Variants in LMF1 observed in about 807,000 individuals in gnomAD.
LMF1 encodes the protein transmembrane protein 112.
LMF1 carries 68 observed loss-of-function variants against 60.6 expected under a neutral mutation model. The ratio of observed to expected loss-of-function variants is 1.12; its 90% confidence interval spans 0.92 to 1.37. The LOEUF is 1.37. LMF1 is among the 40% of genes most tolerant of loss of function. The pLI, the probability that LMF1 is intolerant of heterozygous loss-of-function variation, is 0.00. For synonymous variants in LMF1, 418 were observed against 324.7 expected (o/e 1.29, Z -3.09); for missense variants, 948 against 767.2 (o/e 1.24, Z -2.78).
chr16:950,751 CAG>C (rs1478549969), intron 2 of LMF1, among the ~76,000 whole-genome samples: 7 of 84,558 alleles, frequency 8.3e-5, no homozygotes, highest in South Asian at 4.9e-4. Context: ...ACGACAGAGT[CAG>C]AGCCAACGAC....
intron 1 of LMF1, among the ~76,000 whole-genome samples, chr16:964,558 C>T (rs757008397): frequency 6.6e-6 from 1 of 152,094 alleles, no homozygotes; most frequent in African/African-American, 2.4e-5. Flanking sequence ...ACTTGTAAAA[C>T]CAAGTGGTGC....
intron 1 of LMF1, chr16:976,238 CCAAGGGCT>C (rs1567348345): frequency 2.2e-6 from 1 of 446,068 alleles, no homozygotes; most frequent in African/African-American, 2.0e-5. Context: ...CTACAAGGGC[CCAAGGGCT>C]GAAATGGGGC....
chr16:934,230 T>C lies in LMF1; in HGVS notation c.514+14A>G. The C allele has an allele frequency of 1.9e-6, 3 of 1,599,410 alleles. No homozygotes were observed. Among genetic ancestry groups the C allele is most frequent in the Non-Finnish European group, 2.5e-6 (3 of 1,179,786 alleles). ...CAACTCTCGCAGAGCTTTCTCTAAA[T>C]GCATCTCACTTACCGAAAGAGTACC... On this transcript the variant is annotated intron_variant, in intron 3 of 10. Coordinates refer to ENST00000262301, the MANE Select transcript of LMF1 (RefSeq NM_022773.4).
chr16:973,934 CG>C (rs1282375062), upstream of LMF1, among the ~76,000 whole-genome samples: 3 of 148,992 alleles, frequency 2.0e-5, no homozygotes, highest in Non-Finnish European at 4.4e-5. Context: ...GACGTGAACG[CG>C]GGGGCTGGAG....
upstream of LMF1, chr16:971,096 C>T (rs1368936371): frequency 4.4e-5 from 48 of 1,084,760 alleles, no homozygotes; most frequent in East Asian, 1.5e-3. Context: ...CCACCCACAC[C>T]CCGGGAGGCC....
intron 4 of LMF1, chr16:893,504 C>G: frequency 2.4e-6 from 1 of 413,518 alleles, no homozygotes; most frequent in South Asian, 1.7e-5. Context: ...ACACGCGTCT[C>G]AGCCCCGCCC....
rs2071330405 is a variant in LMF1, at chr16:918,077, T to C, written c.515-6998A>G. 1.3e-5 allele frequency among the ~76,000 whole-genome samples: 2 copies of C among 152,114 alleles called. 1 individual carries two copies. The highest frequency in any genetic ancestry group is 4.1e-4 in the South Asian group (2 of 4,828). On this transcript the variant is annotated intron_variant, in intron 3 of 10. Transcript: ENST00000262301. ...GTTAAACCAGAGATCAGATGGCAAA[T>C]GGGAGGGCATTTTCTAGTAACCAGA...
chr16:979,374 C>CCCCCACCACCCCGCCACAGAGACT, intron 1 of LMF1: 1 of 353,778 alleles, frequency 2.8e-6, no homozygotes, highest in Non-Finnish European at 5.6e-6. Context: ...CTGGCCTAGG[C>CCCCCACCACCCCGCCACAGAGACT]CCCCACCACC....
In LMF1 at chr16:954,335, C is replaced by T; in HGVS notation, c.503+22G>A. ...AGTGACAGCAAGCCCTAAGCTCCGACCGCCCCATTCCTGCTACTCACCAGA... is the reference window on the plus strand; with the variant it reads ...AGTGACAGCAAGCCCTAAGCTCCGATCGCCCCATTCCTGCTACTCACCAGA... On this transcript the variant is annotated intron_variant, in intron 2 of 10. Transcript: ENST00000262301. 1.9e-6 allele frequency: 3 copies of T among 1,606,598 alleles called. No homozygotes were observed. The South Asian group carries it at 3.3e-5, about 18-fold the overall frequency.
At chr16:963,392 CTGTG>C (rs1040797357) in intron 1 of LMF1, among the ~76,000 whole-genome samples, 5 of 152,052 alleles carry the variant, frequency 3.3e-5, no homozygotes, top group South Asian at 4.1e-4. Context: ...CCATGTGTCC[CTGTG>C]TGTATGTGTC....
chr16:892,860 A>T, intron 5 of LMF1, 147 bp downstream of exon 5: 1 of 596,826 alleles, frequency 1.7e-6, no homozygotes, highest in Non-Finnish European at 2.9e-6. Flanking sequence ...CCACCCCGTG[A>T]AGGGAGGGAG....
At chr16:899,559 G>A (rs916539955) in intron 4 of LMF1, 3 of 152,224 alleles carry the variant, frequency 2.0e-5, no homozygotes, top group Non-Finnish European at 2.9e-5. Context: ...GGCCTCACAG[G>A]GCTGCATGCC....
intron 3 of LMF1, among the ~76,000 whole-genome samples, chr16:919,419 C>A (rs971008262): frequency 6.6e-6 from 1 of 152,144 alleles, no homozygotes; most frequent in Non-Finnish European, 1.5e-5. Context: ...ACAGCTCCTG[C>A]CCCACCTTCA....
chr16:979,595 C>T (rs780063307), intron 1 of LMF1: 2 of 453,334 alleles, frequency 4.4e-6, no homozygotes, highest in South Asian at 1.6e-5. Flanking sequence ...TGCTGGAGTT[C>T]CCCACCTGTG....
chr16:900,591 C>A (rs2070781192), intron 4 of LMF1: 1 of 152,124 alleles, frequency 6.6e-6, no homozygotes, highest in African/African-American at 2.4e-5. Context: ...CTCACTGCAA[C>A]CTCCGCCTCC....
rs2073184852 is a variant in LMF1 at position 977,593 on chromosome 16, T to TTCA, written c.-135+3549_-135+3551dup. On this transcript the variant is annotated intron_variant, in intron 1 of 6. Transcript: ENST00000570014. ...TGTGCACACACCGGCTGCCAGCGGGTTCACGCCCGCCGGGCCCTCCCTGTG... is the reference window on the plus strand; with the variant it reads ...TGTGCACACACCGGCTGCCAGCGGGTTCATCACGCCCGCCGGGCCCTCCCTGTG... Among the ~76,000 whole-genome samples, 8 of 152,072 alleles carry TTCA rather than the reference T, an allele frequency of 5.3e-5. No homozygotes were observed. The South Asian group carries it at 1.7e-3, about 32-fold the overall frequency.
At chr16:910,842 A>G in intron 4 of LMF1, 89 bp downstream of exon 4, 7 of 1,540,990 alleles carry the variant, frequency 4.5e-6, no homozygotes, top group Non-Finnish European at 6.2e-6. Flanking sequence ...GCGGGGGAGG[A>G]AGGAAACAGC....
rs955100135 is a variant in LMF1 at position 918,796 on chromosome 16, G to A, written c.515-7717C>T. On this transcript the variant is annotated intron_variant, in intron 3 of 10. Coordinates refer to ENST00000262301, the MANE Select transcript of LMF1 (RefSeq NM_022773.4). ...TGAATTTAAGTGACCACGCGGGGCC[G>A]ACGTCCCGGGGCGCACCCCGACTCT... 4.7e-4 allele frequency among the ~76,000 whole-genome samples: 71 copies of A among 151,874 alleles called. 1 individual carries two copies. Among genetic ancestry groups the A allele is most frequent in the African/African-American group, 1.6e-3 (65 of 41,330 alleles).
chr16:921,841 T>C (rs1016504256), intron 3 of LMF1, among the ~76,000 whole-genome samples: 5 of 152,164 alleles, frequency 3.3e-5, no homozygotes, highest in Non-Finnish European at 7.3e-5. Context: ...TACTATACAA[T>C]TCTTAGGAGA....
Sources: allele counts gnomAD v4.1 joint callset (sites outside exome capture counted in the v4.1 genomes callset), GRCh38; gene constraint gnomAD v4.1.1; transcripts MANE v1.5; gene names NCBI Gene and HGNC (gene_info 2026-07-23, HGNC 2026-07-21).